The following SHISA6 variants were observed in gnomAD, a reference collection of about 807,000 sequenced individuals.
The protein encoded by SHISA6 is protein shisa-6.
Under a neutral mutation model 47.9 loss-of-function variants are expected in SHISA6, and 22 were observed. That is an observed-to-expected ratio of 0.46 (90% CI 0.33 to 0.66). The LOEUF is 0.66. Among genes scored for constraint, SHISA6 ranks in the 30% least tolerant of loss-of-function variants. SHISA6 has a pLI of 0.02. For missense variants in SHISA6, 680 were observed against 764.6 expected, an observed-to-expected ratio of 0.89 and a Z score of 1.30; for synonymous variants, 388 against 337.8, an observed-to-expected ratio of 1.15 and a Z score of -1.63.
At chr17:11,363,827 G>A (rs1912363424) in intron 2 of SHISA6, among the ~76,000 whole-genome samples, 1 of 152,178 alleles carries the variant, frequency 6.6e-6, no homozygotes, top group Non-Finnish European at 1.5e-5. Flanking sequence ...TGACCTGGAA[G>A]TTACCTCCCC....
At chr17:11,416,709 CA>C (rs1334165689) in intron 3 of SHISA6, among the ~76,000 whole-genome samples, 1 of 152,006 alleles carries the variant, frequency 6.6e-6, no homozygotes, top group African/African-American at 2.4e-5. Flanking sequence ...TTGACTATGT[CA>C]AAAAATACAA....
chr17:11,248,995 C>T (rs916574038), intron 1 of SHISA6, among the ~76,000 whole-genome samples: 12 of 152,106 alleles, frequency 7.9e-5, no homozygotes, highest in South Asian at 2.1e-4. Flanking sequence ...AAAAATTAGC[C>T]GGGCTTGGTG....
intron 1 of SHISA6, among the ~76,000 whole-genome samples, chr17:11,252,857 C>T (rs1907866952): frequency 6.6e-6 from 1 of 152,164 alleles, no homozygotes; most frequent in Non-Finnish European, 1.5e-5. Flanking sequence ...CTGTTGGACT[C>T]ATAGTTAGCT....
Position 11,558,492 on chromosome 17 carries a change from A to G in SHISA6, c.*188A>G. 1 of 632,452 alleles carries G rather than the reference A, an allele frequency of 1.6e-6. No homozygotes were observed. Among genetic ancestry groups the G allele is most frequent in the Non-Finnish European group, 2.7e-6 (1 of 367,386 alleles). 39.2% of individuals were successfully genotyped at this position (632,452 alleles called of 1,614,324 possible). The stretch of plus-strand genomic sequence containing the variant: ...CAGCCCCGATGGCCTGGTCCAATAC[A>G]CTTAGACCCAGGACCAAGAGCAATC... On this transcript the variant is annotated 3_prime_UTR_variant, in exon 6 of 6. Transcript: ENST00000441885.
chr17:11,386,956 C>A (rs1055495781), intron 3 of SHISA6, among the ~76,000 whole-genome samples: 1 of 152,112 alleles, frequency 6.6e-6, no homozygotes, highest in African/African-American at 2.4e-5. Flanking sequence ...AGTTGGTCAC[C>A]CTAATGGTGT....
chr17:11,418,560 T>C (rs1914354886), intron 3 of SHISA6, among the ~76,000 whole-genome samples: 1 of 152,180 alleles, frequency 6.6e-6, no homozygotes, highest in South Asian at 2.1e-4. Context: ...TATTTTCTCA[T>C]ACATAAAAGG....
intron 3 of SHISA6, among the ~76,000 whole-genome samples, chr17:11,496,656 T>C (rs949250365): frequency 2.0e-5 from 3 of 151,818 alleles, no homozygotes; most frequent in African/African-American, 7.3e-5. Flanking sequence ...GGAGAATCAC[T>C]TGAACCTGGG....
At chr17:11,459,457 C>T (rs538360839) in intron 3 of SHISA6, among the ~76,000 whole-genome samples, 4 of 152,232 alleles carry the variant, frequency 2.6e-5, no homozygotes, top group African/African-American at 9.6e-5. Context: ...GGCAGGTGTA[C>T]AGGGTATGGC....
chr17:11,268,595 C>T (rs2142150466), intron 2 of SHISA6, among the ~76,000 whole-genome samples: 1 of 152,322 alleles, frequency 6.6e-6, no homozygotes, highest in East Asian at 1.9e-4. Context: ...GAGGCCTTTC[C>T]TAACCTTCTC....
At chr17:11,251,868 C>T (rs974187538) in intron 1 of SHISA6, among the ~76,000 whole-genome samples, 28 of 152,146 alleles carry the variant, frequency 1.8e-4, no homozygotes, top group African/African-American at 6.8e-4. Flanking sequence ...TTTTACTCTC[C>T]AGCTCCCAAC....
At chr17:11,283,677 G>A (rs1175627946) in intron 2 of SHISA6, among the ~76,000 whole-genome samples, 1 of 152,194 alleles carries the variant, frequency 6.6e-6, no homozygotes, top group Non-Finnish European at 1.5e-5. Flanking sequence ...ATGCATAGAT[G>A]TCATGTAACG....
At chr17:11,504,225 A>G (rs1270567775) in intron 3 of SHISA6, among the ~76,000 whole-genome samples, 3 of 152,200 alleles carry the variant, frequency 2.0e-5, no homozygotes, top group Non-Finnish European at 2.9e-5. Flanking sequence ...AATCACTGCA[A>G]TCCAGAGTGT....
chr17:11,471,008 G>C (rs1036749124), intron 3 of SHISA6, among the ~76,000 whole-genome samples: 1 of 152,076 alleles, frequency 6.6e-6, no homozygotes, highest in Non-Finnish European at 1.5e-5. Context: ...TTAGGAGTTC[G>C]AGACCAGTCT....
At chr17:11,384,824 TAGAGAG>T (rs1322037424) in intron 3 of SHISA6, among the ~76,000 whole-genome samples, 1 of 150,260 alleles carries the variant, frequency 6.7e-6, no homozygotes, top group African/African-American at 2.4e-5. Context: ...GGGTGGGAGT[TAGAGAG>T]AGAGAGAGGA....
At chr17:11,405,732 C>T (rs1052865046) in intron 3 of SHISA6, among the ~76,000 whole-genome samples, 9 of 151,660 alleles carry the variant, frequency 5.9e-5, no homozygotes, top group East Asian at 3.9e-4. Flanking sequence ...ACTCAGGAGA[C>T]GGAGGTTGCA....
intron 1 of SHISA6, among the ~76,000 whole-genome samples, chr17:11,250,456 T>G (rs1403746412): frequency 6.6e-6 from 1 of 152,188 alleles, no homozygotes; most frequent in Non-Finnish European, 1.5e-5. Flanking sequence ...AAATGTCCAT[T>G]CAGTGGATGA....
chr17:11,348,449 T>C (rs1911769598), intron 2 of SHISA6, among the ~76,000 whole-genome samples: 1 of 152,294 alleles, frequency 6.6e-6, no homozygotes, highest in African/African-American at 2.4e-5. Flanking sequence ...ACGGCACTTG[T>C]CACCCTCTAT....
intron 3 of SHISA6, among the ~76,000 whole-genome samples, chr17:11,418,586 T>C (rs1914355572): frequency 6.6e-6 from 1 of 152,184 alleles, no homozygotes; most frequent in African/African-American, 2.4e-5. Context: ...AGTAACTCTA[T>C]CCACCACACT....
intron 3 of SHISA6, among the ~76,000 whole-genome samples, chr17:11,525,554 A>G (rs186591112): frequency 2.1e-4 from 29 of 139,852 alleles, no homozygotes; most frequent in African/African-American, 7.4e-4. Context: ...AATCGCTTGA[A>G]CCCGGGAGGT....
Sources: gnomAD v4.1 joint callset for allele counts (sites outside exome capture counted in the v4.1 genomes callset) on GRCh38, gnomAD v4.1.1 for gene constraint, MANE v1.5 for transcripts, NCBI Gene and HGNC (gene_info 2026-07-23, HGNC 2026-07-21) for gene names.